Variants in NCAPG2 observed in about 807,000 individuals in gnomAD.
NCAPG2 encodes condensin-2 complex subunit G2.
Under a neutral mutation model 141.1 loss-of-function variants are expected in NCAPG2, and 53 were observed. The ratio of observed to expected loss-of-function variants is 0.38; its 90% confidence interval spans 0.30 to 0.47. The LOEUF (loss-of-function observed/expected upper bound fraction) is 0.47. NCAPG2 is among the 20% of genes least tolerant of loss of function. NCAPG2 has a pLI of 0.99. For missense variants in NCAPG2, 1,087 were observed against 1,389.0 expected, an observed-to-expected ratio of 0.78 and a Z score of 3.46; for synonymous variants, 499 against 490.7, an observed-to-expected ratio of 1.02 and a Z score of -0.22.
intron 6 of NCAPG2, among the ~76,000 whole-genome samples, chr7:158,688,218 G>A (rs1303568744): frequency 6.6e-6 from 1 of 151,754 alleles, no homozygotes; most frequent in African/African-American, 2.4e-5. Context: ...TAATCTGTTA[G>A]TACAGTACAA....
intron 12 of NCAPG2, among the ~76,000 whole-genome samples, chr7:158,672,284 GTGTGTGTGTATATATATATATATATA>G (rs142490452): frequency 0.11 from 7,500 of 70,436 alleles, 597 homozygotes; most frequent in African/African-American, 0.17. Context: ...ACACATGTGT[GTGTGTGTGTATATATATATATATATA>G]TATATATATA....
At chr7:158,640,218 C>T (rs989608051) in intron 27 of NCAPG2, 1 of 152,110 alleles carries the variant, frequency 6.6e-6, no homozygotes, top group Non-Finnish European at 1.5e-5. Context: ...AGATACTACA[C>T]GAGCCAAGAA....
chr7:158,644,828 C>A (rs991582848), intron 26 of NCAPG2, among the ~76,000 whole-genome samples: 2 of 152,148 alleles, frequency 1.3e-5, no homozygotes, highest in Non-Finnish European at 2.9e-5. Flanking sequence ...TGGGTCAAAC[C>A]AGTTAAGGAG....
chr7:158,688,380 T>C (rs1834909082), intron 6 of NCAPG2, among the ~76,000 whole-genome samples: 2 of 152,346 alleles, frequency 1.3e-5, no homozygotes, highest in South Asian at 4.1e-4. Context: ...TTATGTCTGT[T>C]ATATATCTGC....
At chr7:158,667,277 C>A (rs1833051865) in intron 13 of NCAPG2, 1 of 950,100 alleles carries the variant, frequency 1.1e-6, no homozygotes, top group East Asian at 1.2e-4. Flanking sequence ...CCTCCGCCTC[C>A]CTCAGAGACC....
chr7:158,692,741 C>CA (rs1835207029), intron 4 of NCAPG2, 101 bp downstream of exon 4: 37 of 891,046 alleles, frequency 4.2e-5, no homozygotes, highest in East Asian at 1.3e-4. Context: ...AACTCCGTCT[C>CA]AAAAAAAATA....
rs1834554103 is a variant in NCAPG2, at chr7:158,683,312, G to C, written c.912C>G (p.Ser304=). 6.3e-7 allele frequency: 1 copy of C among 1,594,416 alleles called. No individual in the cohort carries two copies. ...TTCACAATCTTACCTCCCGCACTTT[G>C]GAATGCACTGGAGACCTCCTCGGAA... The part of the protein sequence containing the change: ...IHLPRRSPVH[S]KVREVLSYFH... Residue 304 remains serine (S), a synonymous_variant, in exon 9 of 28, where the codon TCC becomes TCG. Coordinates refer to ENST00000356309, the MANE Select transcript of NCAPG2 (RefSeq NM_017760.7).
At chr7:158,686,652 T>C (rs2129468418) in intron 7 of NCAPG2, among the ~76,000 whole-genome samples, 1 of 152,314 alleles carries the variant, frequency 6.6e-6, no homozygotes, top group Admixed American at 6.5e-5. Context: ...TTAAGAATCA[T>C]AAGCTTAGAA....
In NCAPG2 at chr7:158,672,853, A is replaced by G. The variant is rs138593235; in HGVS notation, c.1327-1187T>C. Among the ~76,000 whole-genome samples, 11 of 152,194 alleles carry G rather than the reference A, an allele frequency of 7.2e-5. No homozygotes were observed. The East Asian group carries it at 1.9e-3, about 27-fold the overall frequency. On this transcript the variant is annotated intron_variant, in intron 12 of 27. Transcript: ENST00000356309. ...CACAGCCCCTGTAGCCCCTGCCATAACACTGTGTTCTCCTAATTCTCCTTC... is the reference window on the plus strand; with the variant it reads ...CACAGCCCCTGTAGCCCCTGCCATAGCACTGTGTTCTCCTAATTCTCCTTC...
intron 22 of NCAPG2, among the ~76,000 whole-genome samples, chr7:158,652,963 C>A (rs576469660): frequency 6.6e-6 from 1 of 152,056 alleles, no homozygotes; most frequent in Non-Finnish European, 1.5e-5. Flanking sequence ...TTGGTCCTTA[C>A]GGGAAAATAA....
intron 13 of NCAPG2, among the ~76,000 whole-genome samples, chr7:158,667,532 C>CT (rs1833176514): frequency 2.2e-5 from 1 of 45,108 alleles, no homozygotes; most frequent in Admixed American, 2.7e-4. Flanking sequence ...TCCTTACCTA[C>CT]CCTGTGGCCC....
chr7:158,633,223 C>T lies in NCAPG2; in HGVS notation c.3381-1506G>A, dbSNP rs377288889. Among the ~76,000 whole-genome samples, 21 of 152,302 alleles carry T rather than the reference C, an allele frequency of 1.4e-4. No individual in the cohort carries two copies. The East Asian group carries it at 3.1e-3, about 22-fold the overall frequency. Reference sequence around the variant, plus strand: ...TTTCCCCCAAGTCTATCCCCACCCTCGTGACCTCTCCTCGTGAGTATTTAT... The same window carrying T: ...TTTCCCCCAAGTCTATCCCCACCCTTGTGACCTCTCCTCGTGAGTATTTAT... On this transcript the variant is annotated intron_variant, in intron 27 of 27. Coordinates refer to ENST00000356309, the MANE Select transcript of NCAPG2 (RefSeq NM_017760.7). This position sits in a 1 kb window ranked among gnomAD's most constrained non-coding sequence, Gnocchi z 4.1.
chr7:158,636,402 CT>C (rs59810481), intron 27 of NCAPG2, among the ~76,000 whole-genome samples: 170 of 135,724 alleles, frequency 1.3e-3, no homozygotes, highest in Admixed American at 1.5e-3. Flanking sequence ...TTCTTTTTTT[CT>C]TTTTTTTTTT....
intron 27 of NCAPG2, among the ~76,000 whole-genome samples, chr7:158,634,125 C>T (rs1001812800): frequency 6.6e-5 from 10 of 152,064 alleles, no homozygotes; most frequent in African/African-American, 1.7e-4. Flanking sequence ...AAAAATGTTA[C>T]GTTAAAAGTA....
At chr7:158,649,522 A>T (rs1831317725) in intron 24 of NCAPG2, among the ~76,000 whole-genome samples, 1 of 151,866 alleles carries the variant, frequency 6.6e-6, no homozygotes, top group Non-Finnish European at 1.5e-5. Context: ...CAGGTCAAAC[A>T]TTTTTTTTAT....
intron 12 of NCAPG2, among the ~76,000 whole-genome samples, chr7:158,673,051 C>A (rs1208318740): frequency 2.6e-5 from 4 of 152,142 alleles, no homozygotes; most frequent in Non-Finnish European, 5.9e-5. Flanking sequence ...AGGTCAGGAC[C>A]AAGAGAAGAC....
intron 4 of NCAPG2, among the ~76,000 whole-genome samples, chr7:158,691,314 A>C (rs980929002): frequency 2.6e-5 from 4 of 152,246 alleles, no homozygotes; most frequent in African/African-American, 9.6e-5. Context: ...TTAACTGGGA[A>C]GTTGATAGCA....
chr7:158,638,737 A>G (rs993300681), intron 27 of NCAPG2, among the ~76,000 whole-genome samples: 1 of 152,206 alleles, frequency 6.6e-6, no homozygotes, highest in Non-Finnish European at 1.5e-5. Context: ...AATTTAACAC[A>G]AGTCTCTGTA....
At chr7:158,685,498 G>A (rs1834701340) in intron 8 of NCAPG2, among the ~76,000 whole-genome samples, 1 of 152,192 alleles carries the variant, frequency 6.6e-6, no homozygotes, top group Non-Finnish European at 1.5e-5. Flanking sequence ...ATCTGCGGAT[G>A]CTCAAATTCC....
Sources: allele counts gnomAD v4.1 joint callset (sites outside exome capture counted in the v4.1 genomes callset), GRCh38; gene constraint gnomAD v4.1.1; non-coding constraint Gnocchi (gnomAD v3.1); transcripts MANE v1.5; gene names NCBI Gene and HGNC (gene_info 2026-07-23, HGNC 2026-07-21).